Variants in RARB observed in about 807,000 individuals in gnomAD.
The protein encoded by RARB is HBV-activated protein.
In RARB, 17 loss-of-function variants were observed where a neutral mutation model predicts 51.9. The ratio of observed to expected loss-of-function variants is 0.33; its 90% confidence interval spans 0.22 to 0.49. RARB has a LOEUF of 0.49. Among genes scored for constraint, RARB ranks in the 20% least tolerant of loss-of-function variants. The pLI, the probability that RARB is intolerant of heterozygous loss-of-function variation, is 0.99. For synonymous variants in RARB, 215 were observed against 195.4 expected (o/e 1.10, Z -0.84); for missense variants, 369 against 550.8 (o/e 0.67, Z 3.30).
chr3:24,859,592 C>T (rs1702703505), intron 2 of RARB, among the ~76,000 whole-genome samples: 1 of 152,216 alleles, frequency 6.6e-6, no homozygotes, highest in African/African-American at 2.4e-5. Context: ...ATCCCAGACT[C>T]AACCAATATA....
chr3:25,300,173 G>A (rs1315118863), intron 5 of RARB, among the ~76,000 whole-genome samples: 1 of 152,168 alleles, frequency 6.6e-6, no homozygotes, highest in African/African-American at 2.4e-5. Flanking sequence ...CCATGTGTCT[G>A]ATAAACACTG....
chr3:24,955,166 T>G (rs1695982941), intron 2 of RARB, among the ~76,000 whole-genome samples: 1 of 152,120 alleles, frequency 6.6e-6, no homozygotes, highest in African/African-American at 2.4e-5. Context: ...GAAGTGGCTC[T>G]CAGCAGAAGG....
At chr3:24,956,914 C>T (rs1316464289) in intron 2 of RARB, among the ~76,000 whole-genome samples, 2 of 152,240 alleles carry the variant, frequency 1.3e-5, no homozygotes, top group Non-Finnish European at 2.9e-5. Context: ...GGAATTCATA[C>T]AGTTGCAACA....
intron 5 of RARB, among the ~76,000 whole-genome samples, chr3:25,210,243 T>C (rs1701658454): frequency 1.3e-5 from 2 of 152,126 alleles, no homozygotes; most frequent in Non-Finnish European, 2.9e-5. Flanking sequence ...TGGAGAAAAT[T>C]CTCTTCATAT....
chr3:24,919,734 A>G (rs1695180686), intron 2 of RARB, among the ~76,000 whole-genome samples: 1 of 152,150 alleles, frequency 6.6e-6, no homozygotes, highest in Non-Finnish European at 1.5e-5. Flanking sequence ...TGCTCTTCTA[A>G]TTCCTTATCT....
chr3:25,178,674 C>T (rs1309108343), intron 5 of RARB, among the ~76,000 whole-genome samples: 1 of 152,078 alleles, frequency 6.6e-6, no homozygotes, highest in Non-Finnish European at 1.5e-5. Context: ...TTTAAAGGAC[C>T]TTGCAACCTC....
At chr3:25,330,770 T>C (rs1379525498) in intron 5 of RARB, among the ~76,000 whole-genome samples, 1 of 151,988 alleles carries the variant, frequency 6.6e-6, no homozygotes, top group Admixed American at 6.6e-5. Context: ...AGGAGACCCA[T>C]CTCACGTGCA....
intron 5 of RARB, among the ~76,000 whole-genome samples, chr3:25,186,672 A>G (rs891124183): frequency 3.3e-5 from 5 of 152,162 alleles, no homozygotes; most frequent in African/African-American, 9.6e-5. Context: ...ATGATAATGA[A>G]TGAAAAACTC....
At chr3:25,565,544 T>A (rs1575524420) in intron 3 of RARB, among the ~76,000 whole-genome samples, 1 of 152,182 alleles carries the variant, frequency 6.6e-6, no homozygotes, top group African/African-American at 2.4e-5. Context: ...TGTTTTGCGA[T>A]GGCACATAGT....
chr3:25,365,243 G>T (rs1706081060), intron 5 of RARB, among the ~76,000 whole-genome samples: 1 of 117,070 alleles, frequency 8.5e-6, no homozygotes, highest in Non-Finnish European at 1.7e-5. Context: ...AGGCTCAAGG[G>T]ATTCTAGCCA....
At chr3:24,949,511 G>A (rs752869214) in intron 2 of RARB, among the ~76,000 whole-genome samples, 4 of 152,154 alleles carry the variant, frequency 2.6e-5, no homozygotes, top group Non-Finnish European at 4.4e-5. Context: ...TCACATTTAC[G>A]TTTTTATGCT....
chr3:24,845,629 A>C (rs1164987464), intron 1 of RARB, among the ~76,000 whole-genome samples: 1 of 152,172 alleles, frequency 6.6e-6, no homozygotes, highest in Non-Finnish European at 1.5e-5. Flanking sequence ...ATCATCTATC[A>C]GTCATTGCTA....
intron 4 of RARB, among the ~76,000 whole-genome samples, chr3:25,173,189 T>C (rs527583026): frequency 6.6e-6 from 1 of 152,338 alleles, no homozygotes; most frequent in South Asian, 2.1e-4. Context: ...ATTCCCAGTC[T>C]CAAGGAATCC....
intron 2 of RARB, among the ~76,000 whole-genome samples, chr3:24,932,781 G>T (rs1177361003): frequency 1.3e-5 from 2 of 152,110 alleles, no homozygotes; most frequent in East Asian, 3.9e-4. Flanking sequence ...CATTCCGTGG[G>T]ATTGTATCCT....
chr3:24,948,285 T>G (rs1029128658), intron 2 of RARB, among the ~76,000 whole-genome samples: 1 of 152,128 alleles, frequency 6.6e-6, no homozygotes, highest in East Asian at 1.9e-4. Flanking sequence ...GGGAGTCAGA[T>G]GGAGATACAG....
intron 3 of RARB, among the ~76,000 whole-genome samples, chr3:25,548,152 A>G (rs946062663): frequency 6.7e-6 from 1 of 149,256 alleles, no homozygotes; most frequent in East Asian, 2.0e-4. Flanking sequence ...CAGTGGATGA[A>G]GTAATTGGAG....
chr3:25,217,646 C>T (rs1202922826), intron 5 of RARB, among the ~76,000 whole-genome samples: 2 of 152,108 alleles, frequency 1.3e-5, no homozygotes, highest in Non-Finnish European at 2.9e-5. Context: ...TTTGTCTCCC[C>T]CTGAACCTTT....
chr3:24,939,653 A>C (rs141677630), intron 2 of RARB, among the ~76,000 whole-genome samples: 174 of 152,340 alleles, frequency 1.1e-3, no homozygotes, highest in African/African-American at 4.0e-3. Context: ...TTGGTTTCAG[A>C]TGAACTGTTC....
At chr3:24,874,126 T>C (rs1702999370) in intron 2 of RARB, among the ~76,000 whole-genome samples, 2 of 152,032 alleles carry the variant, frequency 1.3e-5, no homozygotes, top group African/African-American at 2.4e-5. Flanking sequence ...TGAGCATTCA[T>C]AAATTTTGGT....
Sources: allele counts gnomAD v4.1 joint callset (sites outside exome capture counted in the v4.1 genomes callset), GRCh38; gene constraint gnomAD v4.1.1; transcripts MANE v1.5; gene names NCBI Gene and HGNC (gene_info 2026-07-23, HGNC 2026-07-21).